DCAF8L2: variants seen among roughly 807,000 people sequenced by gnomAD.
DCAF8L2 encodes DDB1 and CUL4 associated factor 8 like 2.
For missense variants in DCAF8L2, 430 were observed against 490.7 expected (o/e 0.88, Z 1.17); for synonymous variants, 200 against 190.9 (o/e 1.05, Z -0.39).
intron 4 of DCAF8L2, among the ~76,000 whole-genome samples, chrX:27,740,674 C>T (rs5926892): frequency 0.22 from 24,675 of 110,721 alleles, 2,288 homozygotes; most frequent in Middle Eastern, 0.35. Flanking sequence ...AATTTGCACT[C>T]AATATCACTT....
At chrX:27,592,702 G>T in intron 1 of DCAF8L2, among the ~76,000 whole-genome samples, 1 of 111,045 alleles carries the variant, frequency 9.0e-6, no homozygotes, top group South Asian at 3.8e-4. Flanking sequence ...CTCCCAAAGT[G>T]CTGGGATTAC....
chrX:27,582,823 T>A, the DCAF8L2 span, among the ~76,000 whole-genome samples: 67 of 111,070 alleles, frequency 6.0e-4, no homozygotes, highest in Non-Finnish European at 9.2e-4. Flanking sequence ...TCCCATATTT[T>A]AAAAAAATTA....
chrX:27,565,629 A>C, the DCAF8L2 span, among the ~76,000 whole-genome samples: 2 of 111,451 alleles, frequency 1.8e-5, no homozygotes, highest in African/African-American at 6.5e-5. Context: ...GATTGGTATT[A>C]ATTCTTCTTT....
At chrX:27,623,422 A>G (rs1927874116) in intron 1 of DCAF8L2, among the ~76,000 whole-genome samples, 1 of 111,727 alleles carries the variant, frequency 9.0e-6, no homozygotes, top group African/African-American at 3.2e-5. Context: ...AAATGGAAAA[A>G]AAACTGGAAT....
intron 2 of DCAF8L2, among the ~76,000 whole-genome samples, chrX:27,664,900 A>C (rs1175992594): frequency 1.8e-5 from 2 of 111,597 alleles, no homozygotes; most frequent in Non-Finnish European, 3.8e-5. Flanking sequence ...ACTGCTACTC[A>C]GAAAACAAGA....
chrX:27,505,698 G>C, the DCAF8L2 span, among the ~76,000 whole-genome samples: 1 of 111,259 alleles, frequency 9.0e-6, no homozygotes, highest in Non-Finnish European at 1.9e-5. Flanking sequence ...AAAGTGAAGG[G>C]TTGTCACTAG....
the DCAF8L2 span, among the ~76,000 whole-genome samples, chrX:27,541,356 T>TTTAA: frequency 9.7e-6 from 1 of 103,107 alleles, no homozygotes; most frequent in Non-Finnish European, 2.0e-5. Flanking sequence ...TATTTATTTA[T>TTTAA]TTATTTATTT....
At chrX:27,635,468 C>T (rs1165202305) in intron 2 of DCAF8L2, among the ~76,000 whole-genome samples, 1 of 111,479 alleles carries the variant, frequency 9.0e-6, no homozygotes, top group Non-Finnish European at 1.9e-5. Context: ...TCACTGTACT[C>T]AATTTAATGT....
At chrX:27,497,210 GC>G in the DCAF8L2 span, among the ~76,000 whole-genome samples, 828 of 111,516 alleles carry the variant, frequency 7.4e-3, 5 homozygotes, top group African/African-American at 0.026. Context: ...AAATACACTC[GC>G]CCCTGCTGAA....
chrX:27,541,958 T>A, the DCAF8L2 span, among the ~76,000 whole-genome samples: 5 of 111,997 alleles, frequency 4.5e-5, no homozygotes, highest in African/African-American at 1.6e-4. Flanking sequence ...TTGTTTTCTG[T>A]TCCTGCATTA....
At chrX:27,561,683 G>T in the DCAF8L2 span, among the ~76,000 whole-genome samples, 16 of 111,183 alleles carry the variant, frequency 1.4e-4, 1 homozygote, top group East Asian at 4.5e-3. Flanking sequence ...GCATGGGGGG[G>T]TTGTGACTGG....
chrX:27,647,595 G>T, intron 2 of DCAF8L2, among the ~76,000 whole-genome samples: 1 of 111,552 alleles, frequency 9.0e-6, no homozygotes, highest in Non-Finnish European at 1.9e-5. Context: ...TAAAAAATTA[G>T]AAAAATTCTT....
At chrX:27,720,694 T>C (rs1284817456) in intron 4 of DCAF8L2, among the ~76,000 whole-genome samples, 1 of 111,848 alleles carries the variant, frequency 8.9e-6, no homozygotes, top group Non-Finnish European at 1.9e-5. Context: ...TTTTCATATA[T>C]TTATTATAAT....
the DCAF8L2 span, among the ~76,000 whole-genome samples, chrX:27,514,968 C>T: frequency 9.0e-6 from 1 of 111,278 alleles, no homozygotes; most frequent in African/African-American, 3.3e-5. Flanking sequence ...TGTTCTATTA[C>T]ACAGTAGGGT....
chrX:27,739,066 A>C (rs2147332168), intron 4 of DCAF8L2, among the ~76,000 whole-genome samples: 1 of 110,836 alleles, frequency 9.0e-6, no homozygotes, highest in African/African-American at 3.3e-5. Flanking sequence ...CTACTGAATC[A>C]TTATCATTAG....
the DCAF8L2 span, among the ~76,000 whole-genome samples, chrX:27,470,923 T>C: frequency 2.7e-5 from 3 of 111,661 alleles, no homozygotes; most frequent in African/African-American, 6.5e-5. Context: ...TGTGGGCTTG[T>C]TGTTTGATTG....
rs770090926 is a variant in DCAF8L2, at chrX:27,628,728, A to C, written c.-341-3151A>C. 4.9e-4 allele frequency among the ~76,000 whole-genome samples: 53 copies of C among 108,343 alleles called. 1 individual carries two copies. The highest frequency in any genetic ancestry group is 1.2e-3 in the African/African-American group (37 of 29,648). The allele number at this position is 108,343 out of a possible 115,157, so 94.1% of individuals were successfully genotyped here. A position where few individuals can be genotyped will look rare whatever the true frequency, so the allele number is the denominator to read the frequency against. ...ACGCCATTCTCCTGCCTCAGCCTCC[A>C]GAGTAGCTGGGACTACAGGCGCCCG... is the stretch of plus-strand genomic sequence containing the variant. On this transcript the variant is annotated intron_variant, in intron 1 of 4. Transcript: ENST00000451261.
chrX:27,722,246 A>T (rs1010748715), intron 4 of DCAF8L2, among the ~76,000 whole-genome samples: 1 of 111,904 alleles, frequency 8.9e-6, no homozygotes, highest in African/African-American at 3.2e-5. Context: ...ATAAAATAGA[A>T]TTCAACAGAT....
At chrX:27,558,650 A>G in the DCAF8L2 span, among the ~76,000 whole-genome samples, 10,868 of 109,093 alleles carry the variant, frequency 0.1, 420 homozygotes, top group Non-Finnish European at 0.12. Flanking sequence ...GGGTACATGT[A>G]CACAATGTGC....
Sources: allele counts gnomAD v4.1 joint callset (sites outside exome capture counted in the v4.1 genomes callset), GRCh38; gene constraint gnomAD v4.1.1; transcripts MANE v1.5; gene names NCBI Gene and HGNC (gene_info 2026-07-23, HGNC 2026-07-21).